The following DENND2A variants were observed in gnomAD, a reference collection of about 807,000 sequenced individuals.
DENND2A encodes the protein DENN domain-containing protein 2A.
A neutral mutation model predicts 105.3 loss-of-function variants in DENND2A; 53 were observed. That is an observed-to-expected ratio of 0.50 (90% CI 0.40 to 0.63). The LOEUF (loss-of-function observed/expected upper bound fraction) is 0.63. Ranked by LOEUF, DENND2A falls within the 30% of genes least tolerant of loss-of-function variation. The probability of loss-of-function intolerance (pLI) is 0.00; values close to 1 mark genes in which losing one functional copy is unlikely to be tolerated. For missense variants in DENND2A, 1,138 were observed against 1,279.6 expected (o/e 0.89, Z 1.69); for synonymous variants, 522 against 508.4 (o/e 1.03, Z -0.36).
At chr7:140,572,800 T>C (rs542916608) in intron 6 of DENND2A, among the ~76,000 whole-genome samples, 189 of 149,880 alleles carry the variant, frequency 1.3e-3, no homozygotes, top group African/African-American at 4.4e-3. Context: ...GAGTTCAGGA[T>C]GTAACTCCCC....
chr7:140,581,060 C>T (rs544073410), intron 5 of DENND2A, among the ~76,000 whole-genome samples: 17 of 151,898 alleles, frequency 1.1e-4, no homozygotes, highest in African/African-American at 2.7e-4. Flanking sequence ...GTCAGGAGTT[C>T]GAAACCAGCC....
At chr7:140,547,704 AT>A (rs1326341733) in intron 12 of DENND2A, among the ~76,000 whole-genome samples, 7 of 152,236 alleles carry the variant, frequency 4.6e-5, no homozygotes, top group Non-Finnish European at 1.0e-4. Flanking sequence ...TAGCGGCATT[AT>A]TCATAATAGC....
intron 5 of DENND2A, among the ~76,000 whole-genome samples, 184 bp from the exon 6 acceptor site, chr7:140,574,192 C>T (rs1299886797): frequency 5.3e-5 from 8 of 152,066 alleles, no homozygotes; most frequent in Admixed American, 4.6e-4. Flanking sequence ...ATTACCAAAA[C>T]TGTGTGTGAT....
chr7:140,567,680 G>C (rs911700909), intron 8 of DENND2A, among the ~76,000 whole-genome samples: 2 of 152,050 alleles, frequency 1.3e-5, no homozygotes, highest in Admixed American at 1.3e-4. Context: ...CATTTCCCTC[G>C]TCTTTTGGTT....
At chr7:140,531,551 C>A (rs536903413) in intron 14 of DENND2A, among the ~76,000 whole-genome samples, 158 of 152,216 alleles carry the variant, frequency 1.0e-3, no homozygotes, top group African/African-American at 3.7e-3. Context: ...GTAATCCTAG[C>A]ACTTTGGGAG....
intron 12 of DENND2A, among the ~76,000 whole-genome samples, chr7:140,547,143 T>C (rs550112131): frequency 6.6e-6 from 1 of 152,320 alleles, no homozygotes; most frequent in East Asian, 1.9e-4. Context: ...CCCTTTGCCA[T>C]GCAATGTTGC....
chr7:140,564,898 C>T (rs1052820477), intron 9 of DENND2A, among the ~76,000 whole-genome samples: 2 of 152,122 alleles, frequency 1.3e-5, no homozygotes, highest in African/African-American at 4.8e-5. Context: ...TGTGAGCATA[C>T]CCAGTGGCCT....
At chr7:140,553,581 C>A (rs1350451466) in intron 12 of DENND2A, among the ~76,000 whole-genome samples, 1 of 152,212 alleles carries the variant, frequency 6.6e-6, no homozygotes, top group Non-Finnish European at 1.5e-5. Flanking sequence ...GGCCATATTT[C>A]AGACTATCCC....
intron 9 of DENND2A, among the ~76,000 whole-genome samples, chr7:140,563,676 TAAAA>T (rs139848094): frequency 3.5e-3 from 102 of 29,234 alleles, no homozygotes; most frequent in East Asian, 0.014. Flanking sequence ...ACCATTGCAT[TAAAA>T]AAAAAAAAAA....
At chr7:140,558,566 C>G (rs1320838890) in intron 10 of DENND2A, among the ~76,000 whole-genome samples, 2 of 152,052 alleles carry the variant, frequency 1.3e-5, no homozygotes, top group Non-Finnish European at 2.9e-5. Flanking sequence ...CATGGTGGCA[C>G]ATGCCTGTAA....
Position 140,559,956 on chromosome 7 carries a change from C to T in DENND2A, c.1780-139G>A, listed in dbSNP as rs1797547300. On this transcript the variant is annotated intron_variant, in intron 9 of 19. Coordinates refer to ENST00000496613, the MANE Select transcript of DENND2A (RefSeq NM_015689.5). The surrounding 1 kb of genome is among the most constrained non-coding windows in gnomAD (Gnocchi z 4.1). The stretch of plus-strand genomic sequence containing the variant: ...AGCCTCTTCCCTTGGGAAGAGCTTG[C>T]AGCTCAGTCGGCTGGGGCATTTTCC... 1 of 701,128 alleles carries T rather than the reference C, an allele frequency of 1.4e-6. No individual in the cohort carries two copies. The highest frequency in any genetic ancestry group is 2.3e-5 in the Admixed American group (1 of 43,338). The allele number at this position is 701,128 out of a possible 1,614,324, so 43.4% of individuals were successfully genotyped here. A position where few individuals can be genotyped will look rare whatever the true frequency, so the allele number is the denominator to read the frequency against.
chr7:140,629,346 GT>G (rs1314826242), intron 1 of DENND2A, among the ~76,000 whole-genome samples: 1 of 152,124 alleles, frequency 6.6e-6, no homozygotes, highest in Non-Finnish European at 1.5e-5. Context: ...GTAGCGCCTG[GT>G]GGCCAAGAAA....
chr7:140,594,819 G>A (rs1799217412), intron 3 of DENND2A, among the ~76,000 whole-genome samples: 1 of 152,138 alleles, frequency 6.6e-6, no homozygotes, highest in African/African-American at 2.4e-5. Flanking sequence ...CGGTTCAAGC[G>A]ATTCTCCTGC....
intron 9 of DENND2A, among the ~76,000 whole-genome samples, chr7:140,563,670 T>C (rs1287182900): frequency 6.8e-5 from 7 of 102,504 alleles, no homozygotes; most frequent in African/African-American, 3.9e-5. Context: ...ATGATCACCA[T>C]TGCATTAAAA....
At chr7:140,585,948 A>G (rs981842171) in intron 4 of DENND2A, among the ~76,000 whole-genome samples, 9 of 152,150 alleles carry the variant, frequency 5.9e-5, no homozygotes, top group Non-Finnish European at 1.5e-5. Context: ...CGCTTTAGCC[A>G]ATCTAGGTAT....
At chr7:140,530,642 A>G (rs1000056817) in intron 14 of DENND2A, among the ~76,000 whole-genome samples, 3 of 152,126 alleles carry the variant, frequency 2.0e-5, no homozygotes, top group African/African-American at 7.2e-5. Context: ...AAGAAAAAAA[A>G]AAGAGTGAGA....
intron 1 of DENND2A, among the ~76,000 whole-genome samples, chr7:140,619,090 G>A (rs771312167): frequency 6.6e-5 from 10 of 152,154 alleles, no homozygotes; most frequent in East Asian, 1.9e-4. Flanking sequence ...GAGCCACCGC[G>A]CCCGGCCTGA....
At chr7:140,567,896 G>C (rs745377648) in intron 8 of DENND2A, among the ~76,000 whole-genome samples, 26 of 152,130 alleles carry the variant, frequency 1.7e-4, no homozygotes, top group Non-Finnish European at 3.5e-4. Context: ...AATGCAGCAG[G>C]GTCACTGAGT....
intron 18 of DENND2A, 77 bp from the exon 19 acceptor site, chr7:140,519,795 G>T: frequency 1.5e-6 from 2 of 1,300,624 alleles, no homozygotes; most frequent in Non-Finnish European, 1.1e-6. Flanking sequence ...CTCCCTACCA[G>T]AGAAAAGAGA....
Sources: allele counts gnomAD v4.1 joint callset (sites outside exome capture counted in the v4.1 genomes callset), GRCh38; gene constraint gnomAD v4.1.1; non-coding constraint Gnocchi (gnomAD v3.1); transcripts MANE v1.5; gene names NCBI Gene and HGNC (gene_info 2026-07-23, HGNC 2026-07-21).